CPS1: variants seen among roughly 807,000 people sequenced by gnomAD.
CPS1 encodes the protein carbamoyl-phosphate synthase [ammonia], mitochondrial.
A neutral mutation model predicts 174.6 loss-of-function variants in CPS1; 109 were observed. That is an observed-to-expected ratio of 0.62 (90% CI 0.53 to 0.73). The LOEUF (loss-of-function observed/expected upper bound fraction) is 0.73. Among genes scored for constraint, CPS1 ranks in the 30% least tolerant of loss-of-function variants. CPS1 has a pLI of 0.00. For synonymous variants in CPS1, 637 were observed against 632.0 expected (o/e 1.01, Z -0.12); for missense variants, 1,689 against 1,821.9 (o/e 0.93, Z 1.33).
At chr2:210,479,913 T>G (rs977384510) in intron 1 of CPS1, among the ~76,000 whole-genome samples, 1 of 152,162 alleles carries the variant, frequency 6.6e-6, no homozygotes, top group Non-Finnish European at 1.5e-5. Flanking sequence ...CTTCTGGAAA[T>G]CTGGGATGAT....
intron 1 of CPS1, among the ~76,000 whole-genome samples, chr2:210,483,349 C>T (rs1339944332): frequency 6.6e-6 from 1 of 152,182 alleles, no homozygotes; most frequent in African/African-American, 2.4e-5. Context: ...AGGTACTTTA[C>T]TCGAACTATT....
At chr2:210,483,306 G>A (rs1018815066) in intron 1 of CPS1, among the ~76,000 whole-genome samples, 11 of 152,064 alleles carry the variant, frequency 7.2e-5, no homozygotes, top group Non-Finnish European at 1.0e-4. Flanking sequence ...CCTAATAACA[G>A]CATCTACTGT....
At chr2:210,524,545 T>C (rs2664239) in intron 1 of CPS1, among the ~76,000 whole-genome samples, 129,744 of 151,906 alleles carry the variant, frequency 0.85, 55,970 homozygotes, top group Middle Eastern at 0.92. Context: ...TCTGTTTCCT[T>C]ATTTTATGGT....
chr2:210,593,452 C>T (rs1698378717), intron 11 of CPS1: 1 of 994,552 alleles, frequency 1.0e-6, no homozygotes, highest in African/African-American at 1.7e-5. Context: ...ATTCAGACGG[C>T]TTCAGAAAAG....
At chr2:210,588,449 G>A (rs1698180898) in intron 7 of CPS1, among the ~76,000 whole-genome samples, 1 of 151,956 alleles carries the variant, frequency 6.6e-6, no homozygotes, top group Non-Finnish European at 1.5e-5. Context: ...CTTTCTTTGT[G>A]GTATAGAGAT....
intron 1 of CPS1, among the ~76,000 whole-genome samples, chr2:210,568,017 C>T (rs561361450): frequency 6.6e-6 from 1 of 152,240 alleles, no homozygotes; most frequent in African/African-American, 2.4e-5. Flanking sequence ...GTGTGGACAA[C>T]AGTGGGCTAT....
In CPS1 at chr2:210,637,833, G is replaced by C. The variant is rs1446095060; in HGVS notation, c.2819G>C (p.Trp940Ser). 6.2e-7 allele frequency: 1 copy of C among 1,613,726 alleles called. No homozygotes were observed. Among genetic ancestry groups the C allele is most frequent in the South Asian group, 1.1e-5 (1 of 91,076 alleles). ...AGGTTAAAGAAAAACATCCACCCTT[G>C]GGTTAAACAGGTAAAGGAGTTTCCC... Reference protein sequence around the residue: ...ELRLKKNIHPWVKQIDTLAAE... With the variant: ...ELRLKKNIHPSVKQIDTLAAE... The change falls in exon 22 of 38, where the codon TGG (tryptophan) becomes TCG (serine). Residue 940 changes from tryptophan to serine, a missense_variant. Physicochemically the swap from Trp to Ser is radical, Grantham distance 177. Coordinates refer to ENST00000233072, the MANE Select transcript of CPS1 (RefSeq NM_001875.5).
chr2:210,591,041 AAAATAAATAAAT>A lies in CPS1; in HGVS notation c.947+155_947+166del, dbSNP rs544805806. 41 of 257,968 alleles carry A rather than the reference AAAATAAATAAAT, an allele frequency of 1.6e-4. 1 individual carries two copies. The highest frequency in any genetic ancestry group is 1.3e-3 in the Middle Eastern group (1 of 778). 16.0% of individuals were successfully genotyped at this position (257,968 alleles called of 1,614,324 possible). On this transcript the variant is annotated intron_variant, in intron 9 of 37. Transcript: ENST00000233072. ...GTACCCTAAAACTTAAAGTATAATA[AAAATAAATAAAT>A]AAATAAATAAATAAATAAAATAAAA...
intron 25 of CPS1, among the ~76,000 whole-genome samples, chr2:210,645,349 T>C (rs1298850008): frequency 6.6e-6 from 1 of 152,218 alleles, no homozygotes; most frequent in Non-Finnish European, 1.5e-5. Context: ...AAAGTAGTTT[T>C]TTAAAAATAG....
Position 210,544,242 on chromosome 2 carries a change from A to G in CPS1, c.4-12477A>G, listed in dbSNP as rs538973840. Among the ~76,000 whole-genome samples the G allele has an allele frequency of 3.9e-5, 6 of 152,248 alleles. No homozygotes were observed. The South Asian group carries it at 1.2e-3, about 32-fold the overall frequency. On this transcript the variant is annotated intron_variant, in intron 1 of 38. Transcript: ENST00000430249. Reference sequence around the variant, plus strand: ...TGGGAATCAGTCCATGTCAGTAGGTACGTAATCCTGGAAACTTCCTTCTGA... The same window carrying G: ...TGGGAATCAGTCCATGTCAGTAGGTGCGTAATCCTGGAAACTTCCTTCTGA...
At chr2:210,658,886 A>G (rs751647358) in intron 31 of CPS1, among the ~76,000 whole-genome samples, 198 bp downstream of exon 31, 6 of 152,208 alleles carry the variant, frequency 3.9e-5, no homozygotes, top group Non-Finnish European at 7.3e-5. Context: ...GGTGGCACTG[A>G]TAAGTCAGTT....
intron 6 of CPS1, among the ~76,000 whole-genome samples, chr2:210,585,854 A>G (rs374628398): frequency 2.0e-5 from 3 of 151,802 alleles, no homozygotes; most frequent in East Asian, 3.9e-4. Flanking sequence ...CTCTGCTTGT[A>G]TGGGTATCCT....
At chr2:210,590,271 G>A in intron 8 of CPS1, 37 bp downstream of exon 8, 2 of 1,611,982 alleles carry the variant, frequency 1.2e-6, no homozygotes, top group Middle Eastern at 3.3e-4. Context: ...ATCTGTGTGG[G>A]AGGTGGGGGC....
At chr2:210,612,592 T>A (rs1699168359) in intron 20 of CPS1, among the ~76,000 whole-genome samples, 1 of 151,862 alleles carries the variant, frequency 6.6e-6, no homozygotes, top group Non-Finnish European at 1.5e-5. Context: ...GTACTAATAC[T>A]CAAGTAGATT....
chr2:210,655,189 C>T lies in CPS1; in HGVS notation c.3558+1087C>T, dbSNP rs76350583. On this transcript the variant is annotated intron_variant, in intron 29 of 37. Transcript: ENST00000233072. The stretch of plus-strand genomic sequence containing the variant: ...AAAACTTAATCTATTTCCTTTTCAA[C>T]ATCTTAAGTATTTGAAGGTTGAGAT... 9.5e-3 allele frequency among the ~76,000 whole-genome samples: 1,443 copies of T among 152,262 alleles called. 21 individuals carry two copies. Among genetic ancestry groups the T allele is most frequent in the African/African-American group, 0.033 (1,362 of 41,554 alleles).
chr2:210,494,652 A>T (rs984279525), intron 1 of CPS1, among the ~76,000 whole-genome samples: 1 of 147,570 alleles, frequency 6.8e-6, no homozygotes, highest in Non-Finnish European at 1.5e-5. Context: ...AAAAAAATAC[A>T]GCAGGATCAT....
chr2:210,664,322 T>C (rs1251786635), intron 33 of CPS1, among the ~76,000 whole-genome samples: 1 of 152,050 alleles, frequency 6.6e-6, no homozygotes, highest in African/African-American at 2.4e-5. Flanking sequence ...TCCTTCATAC[T>C]GTTTTATTTT....
At chr2:210,564,955 A>G (rs1697251648) in intron 1 of CPS1, among the ~76,000 whole-genome samples, 1 of 152,024 alleles carries the variant, frequency 6.6e-6, no homozygotes, top group African/African-American at 2.4e-5. Context: ...AGATCATGCC[A>G]CTGCACTCCA....
intron 21 of CPS1, among the ~76,000 whole-genome samples, chr2:210,622,320 T>G (rs928480903): frequency 1.1e-4 from 17 of 151,764 alleles, no homozygotes; most frequent in African/African-American, 3.9e-4. Flanking sequence ...CTTATATACT[T>G]ACATATCAAG....
Sources: gnomAD v4.1 joint callset for allele counts (sites outside exome capture counted in the v4.1 genomes callset) on GRCh38, gnomAD v4.1.1 for gene constraint, MANE v1.5 for transcripts, NCBI Gene and HGNC (gene_info 2026-07-23, HGNC 2026-07-21) for gene names.